XKR6: variants seen among roughly 807,000 people sequenced by gnomAD.
The protein encoded by XKR6 is XK related 6, also known as XK-related protein 6.
A neutral mutation model predicts 56.7 loss-of-function variants in XKR6; 22 were observed. The observed-to-expected ratio is 0.39, with a 90% CI of 0.28 to 0.55. The LOEUF is 0.55. Ranked by LOEUF, XKR6 falls within the 20% of genes least tolerant of loss-of-function variation. The pLI is 0.66. For missense variants in XKR6, 852 were observed against 889.0 expected, an observed-to-expected ratio of 0.96 and a Z score of 0.53; for synonymous variants, 524 against 387.8, an observed-to-expected ratio of 1.35 and a Z score of -4.13.
chr8:10,995,854 C>A (rs1357932383), intron 1 of XKR6, among the ~76,000 whole-genome samples: 3 of 152,204 alleles, frequency 2.0e-5, no homozygotes, highest in African/African-American at 7.2e-5. Context: ...GGCAATCCTT[C>A]CTCTTTGGTG....
intron 1 of XKR6, among the ~76,000 whole-genome samples, chr8:11,026,910 A>G (rs1276317178): frequency 6.6e-6 from 1 of 150,568 alleles, no homozygotes; most frequent in Non-Finnish European, 1.5e-5. Flanking sequence ...CCTACTACAC[A>G]CCTAGATAGT....
intron 1 of XKR6, among the ~76,000 whole-genome samples, chr8:10,930,376 T>G (rs188046655): frequency 5.5e-4 from 84 of 151,912 alleles, no homozygotes; most frequent in Non-Finnish European, 1.1e-3. Context: ...CCAAACAGAG[T>G]AGAAATTGCA....
chr8:11,051,265 C>A (rs923845192), intron 1 of XKR6, among the ~76,000 whole-genome samples: 2 of 152,116 alleles, frequency 1.3e-5, no homozygotes, highest in Non-Finnish European at 2.9e-5. Context: ...TCCCCCACCT[C>A]CTGTCCTCCA....
chr8:11,139,100 A>G (rs370410203), intron 1 of XKR6, among the ~76,000 whole-genome samples: 1 of 152,214 alleles, frequency 6.6e-6, no homozygotes, highest in African/African-American at 2.4e-5. Context: ...ATTAACCTTT[A>G]ATAGTAAATG....
rs1351201738 is a variant in XKR6, at chr8:11,103,835, T to C, written c.764+96741A>G. On this transcript the variant is annotated intron_variant, in intron 1 of 2. Transcript: ENST00000416569. ...AAAATCATTTCAATAAGTATTGATTTAGCATCTTTTCTCTGCTGCAAAATT... is the reference window on the plus strand; with the variant it reads ...AAAATCATTTCAATAAGTATTGATTCAGCATCTTTTCTCTGCTGCAAAATT... Among the ~76,000 whole-genome samples, 42 of 152,226 alleles carry C rather than the reference T, an allele frequency of 2.8e-4. 1 individual carries two copies. Among genetic ancestry groups the C allele is most frequent in the African/African-American group, 2.4e-5 (1 of 41,456 alleles).
In XKR6 at chr8:11,009,556, G is replaced by C. The variant is rs75906774; in HGVS notation, c.765-84726C>G. ...AAAAAATAGTTATAGGTTTGATGGA[G>C]ATAGCATGAGCTTAGAACTAAGACA... On this transcript the variant is annotated intron_variant, in intron 1 of 2. Transcript: ENST00000416569. Among the ~76,000 whole-genome samples, 336 of 152,292 alleles carry C rather than the reference G, an allele frequency of 2.2e-3. 8 individuals are homozygous for C. In the East Asian group the frequency reaches 0.053, roughly 24 times the overall value.
At chr8:11,012,621 C>A (rs921537965) in intron 1 of XKR6, among the ~76,000 whole-genome samples, 2 of 150,932 alleles carry the variant, frequency 1.3e-5, no homozygotes, top group Non-Finnish European at 3.0e-5. Flanking sequence ...AAGTGCCCCC[C>A]TCACCTCCCC....
chr8:11,183,638 T>A (rs530618691), intron 1 of XKR6, among the ~76,000 whole-genome samples: 23 of 152,312 alleles, frequency 1.5e-4, no homozygotes, highest in South Asian at 8.3e-4. Context: ...TCTGGATTTT[T>A]AAAAATTATT....
chr8:11,131,448 G>A (rs1025678563), intron 1 of XKR6, among the ~76,000 whole-genome samples: 1 of 152,072 alleles, frequency 6.6e-6, no homozygotes, highest in Admixed American at 6.5e-5. Flanking sequence ...TGTTAAAGAA[G>A]AAAATTCCTG....
intron 1 of XKR6, among the ~76,000 whole-genome samples, chr8:11,143,409 C>T (rs938847911): frequency 2.0e-5 from 3 of 152,116 alleles, no homozygotes; most frequent in African/African-American, 7.2e-5. Flanking sequence ...AATCCTAATC[C>T]GACAATGTAA....
chr8:11,094,281 G>C (rs550887208), intron 1 of XKR6, among the ~76,000 whole-genome samples: 103 of 152,144 alleles, frequency 6.8e-4, no homozygotes, highest in African/African-American at 2.3e-3. Flanking sequence ...CTCTGTCTCC[G>C]GGGTTCAAGC....
At chr8:11,130,763 C>T (rs1800065956) in intron 1 of XKR6, among the ~76,000 whole-genome samples, 1 of 152,044 alleles carries the variant, frequency 6.6e-6, no homozygotes, top group South Asian at 2.1e-4. Flanking sequence ...ACGACAGATG[C>T]CACACAGGGG....
chr8:11,114,084 C>T lies in XKR6; in HGVS notation c.764+86492G>A, dbSNP rs139638215. On this transcript the variant is annotated intron_variant, in intron 1 of 2. Coordinates refer to ENST00000416569, the MANE Select transcript of XKR6 (RefSeq NM_173683.4). ...TTTCAGGCTGAGGCCTCATGTCTTT[C>T]GCTTAGAGCTAAAAATAAAAATACA... 29 of 442,794 alleles carry T rather than the reference C, an allele frequency of 6.5e-5. No homozygotes were observed. The East Asian group carries it at 1.6e-3, about 25-fold the overall frequency. The allele number at this position is 442,794 out of a possible 1,614,324, so 27.4% of individuals were successfully genotyped here.
chr8:11,196,128 T>C (rs1337684634), intron 1 of XKR6, among the ~76,000 whole-genome samples: 2 of 152,152 alleles, frequency 1.3e-5, no homozygotes, highest in African/African-American at 2.4e-5. Context: ...TCCTCATTTG[T>C]AGGTATCTAA....
intron 1 of XKR6, among the ~76,000 whole-genome samples, chr8:11,132,651 C>T (rs183187594): frequency 1.1e-3 from 160 of 152,038 alleles, no homozygotes; most frequent in Non-Finnish European, 1.7e-3. Flanking sequence ...TACGAGCCAC[C>T]GCGTCTGGTC....
At chr8:11,190,695 G>A (rs1172861751) in intron 1 of XKR6, among the ~76,000 whole-genome samples, 1 of 152,134 alleles carries the variant, frequency 6.6e-6, no homozygotes, top group Non-Finnish European at 1.5e-5. Context: ...AGAGGTTGAA[G>A]AATATCATTC....
At chr8:10,939,123 G>C (rs766722554) in intron 1 of XKR6, among the ~76,000 whole-genome samples, 1 of 152,058 alleles carries the variant, frequency 6.6e-6, no homozygotes, top group Non-Finnish European at 1.5e-5. Context: ...CACAAACCCT[G>C]GATGGAAAGG....
intron 1 of XKR6, among the ~76,000 whole-genome samples, chr8:10,974,551 G>A (rs1343676472): frequency 3.9e-5 from 6 of 152,176 alleles, no homozygotes; most frequent in African/African-American, 1.4e-4. Flanking sequence ...ATATCTTTTT[G>A]CAGGAAAAGT....
intron 1 of XKR6, among the ~76,000 whole-genome samples, chr8:11,092,848 C>T (rs1798121175): frequency 6.6e-6 from 1 of 152,154 alleles, no homozygotes; most frequent in Non-Finnish European, 1.5e-5. Flanking sequence ...GCCTGACAGA[C>T]CAAACCATCC....
Sources: allele counts gnomAD v4.1 joint callset (sites outside exome capture counted in the v4.1 genomes callset), GRCh38; gene constraint gnomAD v4.1.1; transcripts MANE v1.5; gene names NCBI Gene and HGNC (gene_info 2026-07-23, HGNC 2026-07-21).